The following PPP3CA variants were observed in gnomAD, a reference collection of about 807,000 sequenced individuals.
The protein encoded by PPP3CA is protein phosphatase 3 catalytic subunit alpha, also known as CAM-PRP catalytic subunit.
In PPP3CA, 14 loss-of-function variants were observed where a neutral mutation model predicts 66.5. The ratio of observed to expected loss-of-function variants is 0.21; its 90% CI spans 0.14 to 0.33. The LOEUF is 0.33. Among genes scored for constraint, PPP3CA ranks in the 10% least tolerant of loss-of-function variants. PPP3CA has a pLI of 1.00. For synonymous variants in PPP3CA, 232 were observed against 226.2 expected, an observed-to-expected ratio of 1.03 and a Z score of -0.23; for missense variants, 317 against 639.5, an observed-to-expected ratio of 0.50 and a Z score of 5.44.
chr4:101,059,579 A>G (rs1728372343), intron 10 of PPP3CA, among the ~76,000 whole-genome samples: 1 of 152,170 alleles, frequency 6.6e-6, no homozygotes, highest in Non-Finnish European at 1.5e-5. Context: ...ATTTATACCC[A>G]TGACCTGTAT....
At chr4:101,271,223 C>T (rs1727328208) in intron 1 of PPP3CA, among the ~76,000 whole-genome samples, 1 of 152,098 alleles carries the variant, frequency 6.6e-6, no homozygotes, top group Non-Finnish European at 1.5e-5. Flanking sequence ...TTTCAGTCGA[C>T]AATAAACTCA....
chr4:101,275,414 T>A (rs1727458558), intron 1 of PPP3CA, among the ~76,000 whole-genome samples: 1 of 152,126 alleles, frequency 6.6e-6, no homozygotes, highest in Non-Finnish European at 1.5e-5. Context: ...TCACGTCAAA[T>A]CCTTAAGAAA....
intron 13 of PPP3CA, among the ~76,000 whole-genome samples, chr4:101,026,659 AAAAG>A (rs66888780): frequency 0.36 from 55,315 of 151,668 alleles, 11,485 homozygotes; most frequent in Non-Finnish European, 0.48. Context: ...ACATGAAAAA[AAAAG>A]AAATTATAAA....
At chr4:101,311,397 G>A (rs970436930) in intron 1 of PPP3CA, among the ~76,000 whole-genome samples, 2 of 152,126 alleles carry the variant, frequency 1.3e-5, no homozygotes, top group African/African-American at 4.8e-5. Context: ...AACTGAATAA[G>A]TTACCTGAAG....
intron 13 of PPP3CA, among the ~76,000 whole-genome samples, chr4:101,028,016 A>C (rs545492726): frequency 6.6e-6 from 1 of 152,358 alleles, no homozygotes; most frequent in African/African-American, 2.4e-5. Flanking sequence ...GGAATAGAGA[A>C]TTCCCACATA....
chr4:101,171,350 C>CA (rs35058537), intron 2 of PPP3CA: 89,215 of 190,988 alleles, frequency 0.47, 17,383 homozygotes, highest in Middle Eastern at 0.51. Flanking sequence ...ACAATTCTTT[C>CA]AAAAAAAAAA....
intron 1 of PPP3CA, among the ~76,000 whole-genome samples, chr4:101,198,946 G>A (rs1481862292): frequency 6.6e-6 from 1 of 152,188 alleles, no homozygotes; most frequent in African/African-American, 2.4e-5. Context: ...CAATTGGATG[G>A]AAGGGATCCT....
chr4:101,032,417 G>GTT (rs1727012647), intron 11 of PPP3CA, 53 bp from the exon 12 acceptor site: 1 of 1,466,262 alleles, frequency 6.8e-7, no homozygotes, highest in Non-Finnish European at 9.4e-7. Flanking sequence ...TTGTGAAAAA[G>GTT]AAAGAAATGA....
chr4:101,099,256 A>C (rs1730337168), intron 4 of PPP3CA, among the ~76,000 whole-genome samples: 1 of 152,136 alleles, frequency 6.6e-6, no homozygotes, highest in South Asian at 2.1e-4. Context: ...TGGGTCCAAA[A>C]CAGAGGCATA....
At chr4:101,180,243 T>C (rs1488316711) in intron 2 of PPP3CA, among the ~76,000 whole-genome samples, 1 of 152,180 alleles carries the variant, frequency 6.6e-6, no homozygotes, top group Admixed American at 6.6e-5. Context: ...CTGTTTACTT[T>C]CAAAAGTGTA....
intron 2 of PPP3CA, chr4:101,171,266 T>A (rs1218126750): frequency 6.6e-6 from 3 of 454,420 alleles, no homozygotes; most frequent in East Asian, 7.0e-5. Flanking sequence ...TGAATAACAA[T>A]CTCCCACAAT....
At position 101,256,054 on chromosome 4, in the gene PPP3CA, ATTC is replaced by A. The variant is rs537444518; in HGVS notation, c.59-59941_59-59939del. On this transcript the variant is annotated intron_variant, in intron 1 of 13. Transcript: ENST00000394854. ...ATTACCAGTATCCCTAACAATTTAT[ATTC>A]TTTTCTGCCCCTGAACAGGGGTGCT... Among the ~76,000 whole-genome samples, 414 of 152,064 alleles carry A rather than the reference ATTC, an allele frequency of 2.7e-3. 3 individuals are homozygous for A. Among genetic ancestry groups the A allele is most frequent in the African/African-American group, 9.4e-3 (392 of 41,530 alleles).
chr4:101,083,754 A>G (rs1729540663), intron 6 of PPP3CA, among the ~76,000 whole-genome samples: 1 of 152,188 alleles, frequency 6.6e-6, no homozygotes, highest in East Asian at 1.9e-4. Flanking sequence ...TTTTGTTTCT[A>G]TAATCTCCCA....
chr4:101,247,659 T>C (rs1726531923), intron 1 of PPP3CA, among the ~76,000 whole-genome samples: 1 of 152,324 alleles, frequency 6.6e-6, no homozygotes, highest in Non-Finnish European at 1.5e-5. Context: ...TTCTGATTTA[T>C]TTTGTATGTA....
At chr4:101,252,593 C>T (rs148628907) in intron 1 of PPP3CA, among the ~76,000 whole-genome samples, 36 of 152,262 alleles carry the variant, frequency 2.4e-4, no homozygotes, top group African/African-American at 7.7e-4. Context: ...TGCATCTATA[C>T]ACAAAAATAT....
chr4:101,093,948 T>G, intron 5 of PPP3CA, 33 bp from the exon 6 acceptor site: 1 of 1,554,868 alleles, frequency 6.4e-7, no homozygotes, highest in South Asian at 1.2e-5. Context: ...AGCAAAATAC[T>G]AATCTTTGGA....
chr4:101,056,656 TTTTA>T (rs1485860273), intron 10 of PPP3CA, among the ~76,000 whole-genome samples: 1 of 152,122 alleles, frequency 6.6e-6, no homozygotes, highest in Non-Finnish European at 1.5e-5. Context: ...TAAGGAAGAC[TTTTA>T]TTTAAGTCTT....
chr4:101,063,479 C>T (rs1728557639), intron 8 of PPP3CA, 122 bp from the exon 9 acceptor site: 1 of 1,128,888 alleles, frequency 8.9e-7, no homozygotes, highest in South Asian at 1.9e-5. Context: ...AGGCTCACAC[C>T]TTAGGCATCC....
At chr4:101,269,412 TTC>T (rs1167069981) in intron 1 of PPP3CA, among the ~76,000 whole-genome samples, 1 of 152,046 alleles carries the variant, frequency 6.6e-6, no homozygotes, top group Non-Finnish European at 1.5e-5. Flanking sequence ...TTAAATCTAA[TTC>T]TCTCTGACTT....
Sources: gnomAD v4.1 joint callset for allele counts (sites outside exome capture counted in the v4.1 genomes callset) on GRCh38, gnomAD v4.1.1 for gene constraint, MANE v1.5 for transcripts, NCBI Gene and HGNC (gene_info 2026-07-23, HGNC 2026-07-21) for gene names.